PEDS1: variants seen among roughly 807,000 people sequenced by gnomAD.
PEDS1 encodes the protein CarF homolog.
In PEDS1, 14 loss-of-function variants were observed where a neutral mutation model predicts 35.2. The observed-to-expected ratio is 0.40, with a 90% confidence interval of 0.26 to 0.62. PEDS1 has a LOEUF of 0.62. PEDS1 is among the 20% of genes least tolerant of loss of function. The probability of loss-of-function intolerance (pLI) is 0.44; values close to 1 mark genes in which losing one functional copy is unlikely to be tolerated. For missense variants in PEDS1, 260 were observed against 367.8 expected (o/e 0.71, Z 2.40); for synonymous variants, 152 against 152.0 (o/e 1.00, Z 0.00).
intron 2 of PEDS1, among the ~76,000 whole-genome samples, chr20:50,141,159 C>T (rs1207185371): frequency 6.6e-6 from 1 of 152,236 alleles, no homozygotes; most frequent in African/African-American, 2.4e-5. Context: ...TAACTGGAGG[C>T]TATACACGCC....
Position 50,121,689 on chromosome 20 carries a change from A to T in PEDS1, c.*3369T>A, listed in dbSNP as rs181031269. The T allele has an allele frequency of 1.1e-4, 16 of 152,240 alleles. No homozygotes were observed. The highest frequency in any genetic ancestry group is 3.6e-4 in the African/African-American group (15 of 41,526). The allele number at this position is 152,240 out of a possible 1,614,324, so 9.4% of individuals were successfully genotyped here. A position where few individuals can be genotyped will look rare whatever the true frequency, so the allele number is the denominator to read the frequency against. ...AGAAGGATTTTTTTCCAGCCCCCAG[A>T]ATTCAGAAGTGAAATGGTCTGAGTC... is the stretch of plus-strand genomic sequence containing the variant. On this transcript the variant is annotated 3_prime_UTR_variant, in exon 6 of 6. Transcript: ENST00000371652.
At chr20:50,147,367 C>T (rs1375968099) in intron 1 of PEDS1, among the ~76,000 whole-genome samples, 2 of 152,242 alleles carry the variant, frequency 1.3e-5, no homozygotes, top group Non-Finnish European at 2.9e-5. Context: ...GCTCCAGGTT[C>T]ACCCTGGTCC....
At position 50,153,671 on chromosome 20, in the gene PEDS1, T is replaced by G. The variant is rs1480104161; in HGVS notation, c.-34A>C. ...GCCCGATCGGCCCGGTGCGCTCTGCTGGCGGCGGCGGCGGCAGGGCCGCGG... is the reference window on the plus strand; with the variant it reads ...GCCCGATCGGCCCGGTGCGCTCTGCGGGCGGCGGCGGCGGCAGGGCCGCGG... On this transcript the variant is annotated 5_prime_UTR_variant, in exon 1 of 6. Transcript: ENST00000371652. 3 of 1,214,370 alleles carry G rather than the reference T, an allele frequency of 2.5e-6. No homozygotes were observed. Among genetic ancestry groups the G allele is most frequent in the African/African-American group, 3.2e-5 (2 of 63,442 alleles). The allele number at this position is 1,214,370 out of a possible 1,614,324, so 75.2% of individuals were successfully genotyped here. A position where few individuals can be genotyped will look rare whatever the true frequency, so the allele number is the denominator to read the frequency against.
chr20:50,141,115 C>T lies in PEDS1; in HGVS notation c.241+2387G>A, dbSNP rs553905890. Among the ~76,000 whole-genome samples, 37 of 152,310 alleles carry T rather than the reference C, an allele frequency of 2.4e-4. No homozygotes were observed. In the East Asian group the frequency reaches 3.9e-3, roughly 16 times the overall value. On this transcript the variant is annotated intron_variant, in intron 2 of 5. Coordinates refer to ENST00000371652, the MANE Select transcript of PEDS1 (RefSeq NM_199129.4). Reference sequence around the variant, plus strand: ...TCTGATCCAGCCCATCCTTTACCCCCGTAGAGGCCTGAAACAGCCTGGCCT... The same window carrying T: ...TCTGATCCAGCCCATCCTTTACCCCTGTAGAGGCCTGAAACAGCCTGGCCT...
At chr20:50,136,861 A>C (rs2081241219) in intron 2 of PEDS1, among the ~76,000 whole-genome samples, 1 of 152,212 alleles carries the variant, frequency 6.6e-6, no homozygotes, top group East Asian at 1.9e-4. Context: ...ACACAGCGAA[A>C]CCCTGTCTGT....
chr20:50,121,478 C>T lies in PEDS1; in HGVS notation c.*3580G>A, dbSNP rs533494392. 5.2e-5 allele frequency: 8 copies of T among 152,404 alleles called. No individual in the cohort carries two copies. The highest frequency in any genetic ancestry group is 1.9e-4 in the African/African-American group (8 of 41,554). 9.4% of individuals were successfully genotyped at this position (152,404 alleles called of 1,614,324 possible). A position where few individuals can be genotyped will look rare whatever the true frequency, so the allele number is the denominator to read the frequency against. ...TGCAAAGAGTACTCACTTCTCAGAG[C>T]TGCAGGGACTGCTTGACAGGACCCA... On this transcript the variant is annotated 3_prime_UTR_variant, in exon 6 of 6. Transcript: ENST00000371652.
At chr20:50,143,442 CCCG>C in intron 2 of PEDS1, 57 bp downstream of exon 2, 1 of 1,562,024 alleles carries the variant, frequency 6.4e-7, no homozygotes, top group Non-Finnish European at 8.7e-7. Flanking sequence ...GCGCCAGTTA[CCCG>C]GTGGGTCCCT....
Position 50,138,562 on chromosome 20 carries a change from C to T in PEDS1, c.241+4940G>A, listed in dbSNP as rs573397952. ...CATCTGTCCAATGGTCAAGGCCTGG[C>T]GCCTGCACGCTGCCCAGCAGGGAGG... is the stretch of plus-strand genomic sequence containing the variant. On this transcript the variant is annotated intron_variant, in intron 2 of 5. Transcript: ENST00000371652. Among the ~76,000 whole-genome samples the T allele has an allele frequency of 3.8e-4, 58 of 152,348 alleles. 1 individual carries two copies. Among genetic ancestry groups the T allele is most frequent in the African/African-American group, 3.8e-4 (16 of 41,574 alleles).
chr20:50,134,488 G>A (rs902611919), intron 2 of PEDS1, among the ~76,000 whole-genome samples: 1 of 151,988 alleles, frequency 6.6e-6, no homozygotes. Flanking sequence ...CGGAGGTTGC[G>A]GTGAGCCGAG....
At chr20:50,150,833 T>C (rs1601237031) in intron 1 of PEDS1, among the ~76,000 whole-genome samples, 1 of 152,042 alleles carries the variant, frequency 6.6e-6, no homozygotes, top group African/African-American at 2.4e-5. Context: ...GTAGGTGGGA[T>C]TACAGGGGCC....
chr20:50,121,739 C>T lies in PEDS1; in HGVS notation c.*3319G>A, dbSNP rs1421275805. The stretch of plus-strand genomic sequence containing the variant: ...CTGAGGGCTGCTCTACCCTTACTAC[C>T]TGTGGGACCTTGGGGGAGTCACTTT... On this transcript the variant is annotated 3_prime_UTR_variant, in exon 6 of 6. Coordinates refer to ENST00000371652, the MANE Select transcript of PEDS1 (RefSeq NM_199129.4). 1 of 152,194 alleles carries T rather than the reference C, an allele frequency of 6.6e-6. No individual in the cohort carries two copies. The highest frequency in any genetic ancestry group is 1.5e-5 in the Non-Finnish European group (1 of 68,056). The allele number at this position is 152,194 out of a possible 1,614,324, so 9.4% of individuals were successfully genotyped here.
At chr20:50,138,954 G>A (rs1239008717) in intron 2 of PEDS1, among the ~76,000 whole-genome samples, 2 of 152,122 alleles carry the variant, frequency 1.3e-5, no homozygotes. Flanking sequence ...CACCCAGCTG[G>A]GACTTCCTCA....
Position 50,129,991 on chromosome 20 carries a change from C to T in PEDS1, c.334-301G>A, listed in dbSNP as rs1163659702. Among the ~76,000 whole-genome samples the T allele has an allele frequency of 6.6e-6, 1 of 152,190 alleles. No individual in the cohort carries two copies. Among genetic ancestry groups the T allele is most frequent in the Non-Finnish European group, 1.5e-5 (1 of 68,030 alleles). ...AGACAACCTCCGCCCTTCCTCCCCACCCCAAGGCAGTTGAGGAGGTCCCTC... is the reference window on the plus strand; with the variant it reads ...AGACAACCTCCGCCCTTCCTCCCCATCCCAAGGCAGTTGAGGAGGTCCCTC... On this transcript the variant is annotated intron_variant, in intron 3 of 5. Coordinates refer to ENST00000371652, the MANE Select transcript of PEDS1 (RefSeq NM_199129.4). The surrounding 1 kb of genome is among the most constrained non-coding windows in gnomAD (Gnocchi z 4.2).
intron 2 of PEDS1, among the ~76,000 whole-genome samples, chr20:50,131,970 G>A (rs1329229369): frequency 1.3e-5 from 2 of 152,078 alleles, no homozygotes; most frequent in Non-Finnish European, 2.9e-5. Context: ...TTGGGAGGCC[G>A]AGGTGGGCGG....
intron 2 of PEDS1, among the ~76,000 whole-genome samples, chr20:50,142,638 C>A (rs2147295536): frequency 6.8e-6 from 1 of 147,908 alleles, no homozygotes; most frequent in Non-Finnish European, 1.5e-5. Flanking sequence ...GGGGTTTCAC[C>A]ACGTTGGCCA....
chr20:50,138,627 G>C (rs1458026541), intron 2 of PEDS1, among the ~76,000 whole-genome samples: 1 of 152,214 alleles, frequency 6.6e-6, no homozygotes, highest in Non-Finnish European at 1.5e-5. Flanking sequence ...CATCTTAGGA[G>C]ACCAGGAGCC....
At chr20:50,139,375 C>T (rs1410252595) in intron 2 of PEDS1, among the ~76,000 whole-genome samples, 1 of 152,174 alleles carries the variant, frequency 6.6e-6, no homozygotes, top group Admixed American at 6.5e-5. Context: ...CTGATGACCT[C>T]CACGTGGCTA....
At chr20:50,150,234 G>A (rs1271136214) in intron 1 of PEDS1, among the ~76,000 whole-genome samples, 4 of 152,114 alleles carry the variant, frequency 2.6e-5, no homozygotes, top group Admixed American at 6.6e-5. Flanking sequence ...TCAATCACTC[G>A]GCTATGTTGA....
At chr20:50,136,099 A>T (rs365089) in intron 2 of PEDS1, among the ~76,000 whole-genome samples, 46,713 of 146,894 alleles carry the variant, frequency 0.32, 7,275 homozygotes, top group Middle Eastern at 0.41. Context: ...TACTTTTTTT[A>T]AAAAAAAAAA....
Sources: gnomAD v4.1 joint callset for allele counts (sites outside exome capture counted in the v4.1 genomes callset) on GRCh38, gnomAD v4.1.1 for gene constraint, Gnocchi (gnomAD v3.1) non-coding constraint, MANE v1.5 for transcripts, NCBI Gene and HGNC (gene_info 2026-07-23, HGNC 2026-07-21) for gene names.